Variants in PPP1R7 observed in about 807,000 individuals in gnomAD.
PPP1R7 encodes protein phosphatase 1 regulatory subunit 7.
In PPP1R7, 18 loss-of-function variants were observed where a neutral mutation model predicts 45.2. The ratio of observed to expected loss-of-function variants is 0.40; its 90% CI spans 0.28 to 0.59. The LOEUF (loss-of-function observed/expected upper bound fraction) is 0.59, where lower values mean the gene tolerates loss of function less well. PPP1R7 is among the 20% of genes least tolerant of loss of function. The pLI, the probability that PPP1R7 is intolerant of heterozygous loss-of-function variation, is 0.46. For missense variants in PPP1R7, 314 were observed against 455.8 expected (o/e 0.69, Z 2.83); for synonymous variants, 181 against 183.4 (o/e 0.99, Z 0.11).
chr2:241,149,939 G>T (rs1234792672), upstream of PPP1R7: 25 of 1,428,948 alleles, frequency 1.7e-5, no homozygotes, highest in Non-Finnish European at 2.3e-5. Flanking sequence ...CGAGCGTCAA[G>T]AGAAGGCGGC....
intron 6 of PPP1R7, among the ~76,000 whole-genome samples, chr2:241,161,352 A>G (rs2067585636): frequency 8.8e-6 from 1 of 113,112 alleles, no homozygotes; most frequent in African/African-American, 3.6e-5. Context: ...GAACTGATGT[A>G]CATACCGGGG....
In PPP1R7 at chr2:241,154,869, C is replaced by T. The variant is rs182263540; in HGVS notation, c.181+1265C>T. ...TACAGTGTATGAATAATCATGCATC[C>T]CTTATGAAAATAAATTTATGAAGAA... On this transcript the variant is annotated intron_variant, in intron 2 of 9. Transcript: ENST00000234038. 14 of 152,184 alleles carry T rather than the reference C, an allele frequency of 9.2e-5. No individual in the cohort carries two copies. In the East Asian group the frequency reaches 2.7e-3, roughly 29 times the overall value. 9.4% of individuals were successfully genotyped at this position (152,184 alleles called of 1,614,324 possible).
At chr2:241,160,223 A>T in intron 5 of PPP1R7, 109 bp from the exon 6 acceptor site, 2 of 696,220 alleles carry the variant, frequency 2.9e-6, no homozygotes, top group Non-Finnish European at 4.5e-6. Context: ...CCCACCCGGT[A>T]GTGACTGCCG....
At position 241,160,313 on chromosome 2, in the gene PPP1R7, C is replaced by A; in HGVS notation, c.435-19C>A. Reference sequence around the variant, plus strand: ...ATGCTCGTGAAATTTTTTTAAAAAACTGTTTTGGTTGTTCTCAGGATTCTA... The same window carrying A: ...ATGCTCGTGAAATTTTTTTAAAAAAATGTTTTGGTTGTTCTCAGGATTCTA... On this transcript the variant is annotated intron_variant, in intron 5 of 9. Transcript: ENST00000234038. 4.6e-6 allele frequency: 7 copies of A among 1,531,140 alleles called. No homozygotes were observed. The highest frequency in any genetic ancestry group is 6.1e-6 in the Non-Finnish European group (7 of 1,140,114). The allele number at this position is 1,531,140 out of a possible 1,614,324, so 94.8% of individuals were successfully genotyped here.
chr2:241,182,833 G>C lies in PPP1R7; in HGVS notation c.*10G>C, dbSNP rs367909879. ...GTTCGTCAGGTTCTGAGTCCTTCTT[G>C]GCTCCTCATGTGGTCCCTCTCCTCG... On this transcript the variant is annotated 3_prime_UTR_variant, in exon 10 of 10. Coordinates refer to ENST00000234038, the MANE Select transcript of PPP1R7 (RefSeq NM_002712.3). 79 of 1,604,906 alleles carry C rather than the reference G, an allele frequency of 4.9e-5. 1 individual carries two copies. The African/African-American group carries it at 8.3e-4, about 17-fold the overall frequency.
chr2:241,182,062 A>G (rs1022149599), intron 9 of PPP1R7, among the ~76,000 whole-genome samples: 6 of 151,816 alleles, frequency 4.0e-5, no homozygotes, highest in African/African-American at 1.5e-4. Flanking sequence ...CCAACTGGGC[A>G]TGGCAGGGCC....
intron 8 of PPP1R7, chr2:241,167,164 T>C: frequency 8.1e-7 from 1 of 1,236,478 alleles, no homozygotes; most frequent in East Asian, 2.5e-5. Flanking sequence ...AAAAGACTTT[T>C]TCTCATTCAA....
chr2:241,158,625 C>T, intron 4 of PPP1R7, 76 bp downstream of exon 4: 1 of 1,451,130 alleles, frequency 6.9e-7, no homozygotes, highest in Admixed American at 1.7e-5. Flanking sequence ...AGCAGTCAGT[C>T]CTGAGTTGTG....
At chr2:241,176,460 C>CTTT (rs71404687) in intron 9 of PPP1R7, among the ~76,000 whole-genome samples, 13 of 142,948 alleles carry the variant, frequency 9.1e-5, no homozygotes, top group South Asian at 6.7e-4. Flanking sequence ...TTTTTTCTTT[C>CTTT]TTTTTTTTTT....
At chr2:241,175,969 G>C (rs2067901243) in intron 9 of PPP1R7, among the ~76,000 whole-genome samples, 1 of 152,126 alleles carries the variant, frequency 6.6e-6, no homozygotes, top group Non-Finnish European at 1.5e-5. Flanking sequence ...GCAGAGACGG[G>C]GTTTCACCAT....
Position 241,160,437 on chromosome 2 carries a change from G to A in PPP1R7, c.540G>A (p.Glu180=). The A allele has an allele frequency of 6.2e-7, 1 of 1,612,758 alleles. No individual in the cohort carries two copies. The highest frequency in any genetic ancestry group is 8.5e-7 in the Non-Finnish European group (1 of 1,179,656). Residue 180 remains glutamate (E), a synonymous_variant, in exon 6 of 10, where the codon GAG becomes GAA. Coordinates refer to ENST00000234038, the MANE Select transcript of PPP1R7 (RefSeq NM_002712.3). ...TCAACAATAAAATCAGTAAAATTGA[G>A]AACTTAAGCAACTTACATCAACTAC... ...FLVNNKISKI[E]NLSNLHQLQM... is the part of the protein sequence containing the mutation.
intron 9 of PPP1R7, among the ~76,000 whole-genome samples, chr2:241,181,716 G>T (rs1406220602): frequency 6.6e-6 from 1 of 152,186 alleles, no homozygotes; most frequent in African/African-American, 2.4e-5. Context: ...TAACTTCCCT[G>T]TAAAAGGAGT....
rs2067784005 is a variant in PPP1R7 at position 241,169,846 on chromosome 2, A to G, written c.885A>G (p.Leu295=). The part of the protein sequence containing the change: ...RIKKIENISH[L]TELQEFWMND... ...AAAAGATTGAAAATATCAGCCATCT[A>G]ACAGAGCTGCAAGAGTTCTGGGTAA... The change falls in exon 9 of 10, where the codon CTA becomes CTG. Residue 295 remains leucine (L), a synonymous_variant. Transcript: ENST00000234038. 1 of 1,612,280 alleles carries G rather than the reference A, an allele frequency of 6.2e-7. No homozygotes were observed. The highest frequency in any genetic ancestry group is 1.3e-5 in the African/African-American group (1 of 75,014).
At chr2:241,182,547 ATCT>A (rs1249109438) in intron 9 of PPP1R7, 97 bp from the exon 10 acceptor site, 1 of 1,457,922 alleles carries the variant, frequency 6.9e-7, no homozygotes, top group African/African-American at 1.4e-5. Context: ...CCTGCTCGCC[ATCT>A]TCTGAGTGGG....
chr2:241,163,513 C>T, intron 7 of PPP1R7, 112 bp downstream of exon 7: 1 of 732,422 alleles, frequency 1.4e-6, no homozygotes, highest in East Asian at 2.5e-5. Context: ...CTTCGTTGCA[C>T]TATTAGTAAG....
intron 5 of PPP1R7, 106 bp from the exon 6 acceptor site, chr2:241,160,226 G>T: frequency 6.5e-6 from 5 of 764,896 alleles, no homozygotes; most frequent in Non-Finnish European, 6.0e-6. Context: ...ACCCGGTAGT[G>T]ACTGCCGTCC....
At chr2:241,168,091 A>T (rs1467998578) in intron 8 of PPP1R7, among the ~76,000 whole-genome samples, 2 of 151,940 alleles carry the variant, frequency 1.3e-5, no homozygotes, top group Non-Finnish European at 2.9e-5. Flanking sequence ...GCGTTGTGTC[A>T]TGCCCTTTGG....
chr2:241,161,958 C>T (rs1285992683), intron 6 of PPP1R7, among the ~76,000 whole-genome samples: 1 of 152,172 alleles, frequency 6.6e-6, no homozygotes, highest in African/African-American at 2.4e-5. Flanking sequence ...TCAGAATGCC[C>T]CTCTACTTGG....
intron 9 of PPP1R7, among the ~76,000 whole-genome samples, chr2:241,172,296 T>C (rs1056072041): frequency 6.6e-6 from 1 of 152,212 alleles, no homozygotes; most frequent in African/African-American, 2.4e-5. Flanking sequence ...TTTCACCATC[T>C]ATATATTTTA....
Sources: gnomAD v4.1 joint callset for allele counts (sites outside exome capture counted in the v4.1 genomes callset) on GRCh38, gnomAD v4.1.1 for gene constraint, MANE v1.5 for transcripts, NCBI Gene and HGNC (gene_info 2026-07-23, HGNC 2026-07-21) for gene names.